CDH4: variants seen among roughly 807,000 people sequenced by gnomAD.
CDH4 encodes cadherin-4.
Under a neutral mutation model 86.0 loss-of-function variants are expected in CDH4, and 33 were observed. That is an observed-to-expected ratio of 0.38 (90% confidence interval 0.29 to 0.51). CDH4 has a LOEUF of 0.51. Ranked by LOEUF, CDH4 falls within the 20% of genes least tolerant of loss-of-function variation. The pLI is 0.86. For missense variants in CDH4, 1,114 were observed against 1,307.4 expected (o/e 0.85, Z 2.28); for synonymous variants, 555 against 549.4 (o/e 1.01, Z -0.14).
At chr20:61,312,306 T>C (rs2084450845) in intron 2 of CDH4, among the ~76,000 whole-genome samples, 1 of 151,608 alleles carries the variant, frequency 6.6e-6, no homozygotes, top group Non-Finnish European at 1.5e-5. Flanking sequence ...AGTGTGTGTA[T>C]GGTGTGTGCA....
chr20:61,863,439 C>T (rs992328684), intron 6 of CDH4, among the ~76,000 whole-genome samples: 2 of 152,222 alleles, frequency 1.3e-5, no homozygotes, highest in African/African-American at 4.8e-5. Flanking sequence ...GGCAGGAGAA[C>T]TCACCTGGGC....
chr20:61,923,701 T>C lies in CDH4; in HGVS notation c.1625T>C (p.Val542Ala), dbSNP rs2055011711. The change falls in exon 10 of 16, where the codon GTG becomes GCG. Residue 542 changes from valine (V) to alanine (A), a missense_variant. Val to Ala is a moderately conservative substitution (Grantham distance 64). Around this residue, in one of 3 missense-constraint regions of CDH4, gnomAD observed 705 missense variants for 914.1 expected, o/e 0.77. Coordinates refer to ENST00000614565, the MANE Select transcript of CDH4 (RefSeq NM_001794.5). ...CCTGACCGGTTCATGCAGCAGGCTGTGAGGTGGGTGCACAGGACATGCCTC... is the reference window on the plus strand; with the variant it reads ...CCTGACCGGTTCATGCAGCAGGCTGCGAGGTGGGTGCACAGGACATGCCTC... Reference protein sequence around the residue: ...VDPDRFMQQAVRYSKLSDPAS... With the variant: ...VDPDRFMQQAARYSKLSDPAS... 1 of 1,612,984 alleles carries C rather than the reference T, an allele frequency of 6.2e-7. No individual in the cohort carries two copies. The highest frequency in any genetic ancestry group is 1.7e-5 in the Admixed American group (1 of 60,006).
intron 2 of CDH4, among the ~76,000 whole-genome samples, chr20:61,586,983 G>A (rs964187265): frequency 2.0e-5 from 3 of 152,224 alleles, no homozygotes; most frequent in Non-Finnish European, 4.4e-5. Flanking sequence ...AGAAGGGAGA[G>A]GCTGCTCTCC....
chr20:61,741,713 G>A (rs1225993406), intron 2 of CDH4, among the ~76,000 whole-genome samples: 2 of 151,920 alleles, frequency 1.3e-5, no homozygotes, highest in Non-Finnish European at 2.9e-5. Flanking sequence ...GGATGGTCTC[G>A]ATCCCCTGAC....
At chr20:61,636,078 T>TG (rs1383907601) in intron 2 of CDH4, among the ~76,000 whole-genome samples, 3 of 152,218 alleles carry the variant, frequency 2.0e-5, no homozygotes, top group African/African-American at 7.2e-5. Context: ...TCCACACGCG[T>TG]GGGGGTCCAC....
chr20:61,882,007 C>G (rs1984303117), intron 7 of CDH4, among the ~76,000 whole-genome samples: 1 of 152,232 alleles, frequency 6.6e-6, no homozygotes, highest in South Asian at 2.1e-4. Context: ...GCCAAGGGTG[C>G]CTGGAGCCGC....
chr20:61,636,619 G>A (rs976710952), intron 2 of CDH4, among the ~76,000 whole-genome samples: 2 of 152,198 alleles, frequency 1.3e-5, no homozygotes, highest in Admixed American at 6.5e-5. Flanking sequence ...TCTCTTCCAC[G>A]GGGCTTTCAG....
intron 2 of CDH4, among the ~76,000 whole-genome samples, chr20:61,317,793 T>G (rs1391342977): frequency 6.6e-6 from 1 of 151,998 alleles, no homozygotes; most frequent in Non-Finnish European, 1.5e-5. Context: ...CTGGGAAGCG[T>G]TTTTTCCGTG....
chr20:61,439,502 C>T (rs73318350), intron 2 of CDH4, among the ~76,000 whole-genome samples: 1,539 of 152,316 alleles, frequency 0.01, 30 homozygotes, highest in African/African-American at 0.035. Flanking sequence ...ACGCTGGTCA[C>T]CAGCTTGGAG....
intron 4 of CDH4, among the ~76,000 whole-genome samples, chr20:61,836,691 TACTTGGCCCC>T (rs1413239310): frequency 7.9e-5 from 12 of 152,364 alleles, no homozygotes; most frequent in African/African-American, 2.9e-4. Flanking sequence ...TGAGAACCCT[TACTTGGCCCC>T]ACATTTGTCC....
chr20:61,383,148 A>AT (rs1446068238), intron 2 of CDH4, among the ~76,000 whole-genome samples: 1 of 112,154 alleles, frequency 8.9e-6, no homozygotes, highest in African/African-American at 3.8e-5. Flanking sequence ...ATATGAATAT[A>AT]TATGAATATA....
chr20:61,572,624 A>G (rs2086349955), intron 2 of CDH4, among the ~76,000 whole-genome samples: 1 of 152,220 alleles, frequency 6.6e-6, no homozygotes, highest in Non-Finnish European at 1.5e-5. Flanking sequence ...GAGGACACCC[A>G]GTCCTGAACA....
At position 61,933,127 on chromosome 20, in the gene CDH4, G is replaced by T; in HGVS notation, c.2379+3G>T. The T allele has an allele frequency of 6.2e-7, 1 of 1,611,730 alleles. No individual in the cohort carries two copies. The highest frequency in any genetic ancestry group is 1.1e-5 in the South Asian group (1 of 90,972). On this transcript the variant is annotated splice_donor_region_variant and intron_variant, in intron 14 of 15. Transcript: ENST00000614565. ...AAGGCGGTGGCGAGGAGGACCAGGT[G>T]AGACTGCGGCCCGCCCCCGCCTCCC...
intron 2 of CDH4, among the ~76,000 whole-genome samples, chr20:61,318,656 A>C (rs1965689342): frequency 6.6e-6 from 1 of 152,234 alleles, no homozygotes; most frequent in Admixed American, 6.5e-5. Context: ...GTCAGAATAC[A>C]TGCTCAATGC....
chr20:61,445,818 C>A lies in CDH4; in HGVS notation c.169+190881C>A, dbSNP rs540272982. ...GTGCTGGCTGGACGCCATGGTCCTT[C>A]GCCCTTTCCTGATTTGACATGGGGA... On this transcript the variant is annotated intron_variant, in intron 2 of 15. Coordinates refer to ENST00000614565, the MANE Select transcript of CDH4 (RefSeq NM_001794.5). Among the ~76,000 whole-genome samples the A allele has an allele frequency of 3.3e-5, 5 of 152,344 alleles. No individual in the cohort carries two copies. In the East Asian group the frequency reaches 9.7e-4, roughly 29 times the overall value.
At chr20:61,530,928 C>T (rs947026095) in intron 2 of CDH4, among the ~76,000 whole-genome samples, 3 of 152,146 alleles carry the variant, frequency 2.0e-5, no homozygotes, top group Admixed American at 6.5e-5. Flanking sequence ...TCAGCTGCTC[C>T]GAGGCCCTGG....
intron 2 of CDH4, among the ~76,000 whole-genome samples, chr20:61,569,478 T>C (rs1164762286): frequency 6.6e-6 from 1 of 152,188 alleles, no homozygotes; most frequent in Non-Finnish European, 1.5e-5. Context: ...CTCACATCTA[T>C]CTCAGAATAC....
At chr20:61,313,844 C>T (rs1408554832) in intron 2 of CDH4, among the ~76,000 whole-genome samples, 1 of 152,166 alleles carries the variant, frequency 6.6e-6, no homozygotes, top group Non-Finnish European at 1.5e-5. Flanking sequence ...TCTAGTGATC[C>T]TCCCACCTCA....
intron 2 of CDH4, among the ~76,000 whole-genome samples, chr20:61,375,399 C>T (rs2084861378): frequency 7.1e-6 from 1 of 141,652 alleles, no homozygotes; most frequent in Admixed American, 7.4e-5. Context: ...TCATGGTGAT[C>T]ATGGTGGAGG....
Sources: allele counts gnomAD v4.1 joint callset (sites outside exome capture counted in the v4.1 genomes callset), GRCh38; gene constraint gnomAD v4.1.1; regional missense constraint gnomAD v4.1.1; transcripts MANE v1.5; gene names NCBI Gene and HGNC (gene_info 2026-07-23, HGNC 2026-07-21).